Variants in FLT1 observed in about 807,000 individuals in gnomAD.
FLT1 encodes vascular endothelial growth factor receptor 1.
FLT1 carries 49 observed loss-of-function variants against 156.3 expected under a neutral mutation model. The observed-to-expected ratio is 0.31, with a 90% CI of 0.25 to 0.40. FLT1 has a LOEUF of 0.40. Among genes scored for constraint, FLT1 ranks in the 10% least tolerant of loss-of-function variants. The pLI is 1.00. For missense variants in FLT1, 1,322 were observed against 1,637.2 expected (o/e 0.81, Z 3.32); for synonymous variants, 594 against 583.8 (o/e 1.02, Z -0.25).
At chr13:28,421,536 T>G (rs1219470071) in intron 10 of FLT1, among the ~76,000 whole-genome samples, 4 of 10,200 alleles carry the variant, frequency 3.9e-4, no homozygotes, top group Non-Finnish European at 7.2e-4. Context: ...CTGCTGCACT[T>G]TTTTTTTTCC....
At chr13:28,358,758 CA>C (rs1873001636) in intron 14 of FLT1, among the ~76,000 whole-genome samples, 1 of 152,184 alleles carries the variant, frequency 6.6e-6, no homozygotes, top group South Asian at 2.1e-4. Context: ...CACTCACACA[CA>C]CAAGCCAACA....
chr13:28,416,822 G>A (rs932941550), intron 10 of FLT1, among the ~76,000 whole-genome samples: 5 of 152,126 alleles, frequency 3.3e-5, no homozygotes, highest in Non-Finnish European at 5.9e-5. Flanking sequence ...ACTCACAAGG[G>A]CTGATTTGTC....
In FLT1 at chr13:28,427,886, G is replaced by A. The variant is rs544680968; in HGVS notation, c.1142C>T (p.Ala381Val). The A allele has an allele frequency of 5.6e-6, 9 of 1,613,944 alleles. No homozygotes were observed. In the South Asian group the frequency reaches 9.9e-5, roughly 18 times the overall value. ...KDGLPATEKS[A>V]RYLTRGYSLI... Reference sequence around the variant, plus strand: ...CGAGTAGCCACGAGTCAAATAGCGAGCAGATTTCTCAGTCGCAGGTAACCC... The same window carrying A: ...CGAGTAGCCACGAGTCAAATAGCGAACAGATTTCTCAGTCGCAGGTAACCC... Residue 381 changes from alanine to valine, a missense_variant, in exon 9 of 30, where the codon GCT becomes GTT. Physicochemically the swap from Ala to Val is moderately conservative, Grantham distance 64. Around this residue, in one of 3 missense-constraint regions of FLT1, gnomAD observed 991 missense variants for 1,254.8 expected, o/e 0.79. Coordinates refer to ENST00000282397, the MANE Select transcript of FLT1 (RefSeq NM_002019.4).
At chr13:28,482,188 TCA>T (rs1880893131) in intron 1 of FLT1, among the ~76,000 whole-genome samples, 1 of 152,176 alleles carries the variant, frequency 6.6e-6, no homozygotes, top group Non-Finnish European at 1.5e-5. Flanking sequence ...GTGTGGTGGC[TCA>T]CGCCTGTAAT....
In FLT1 at chr13:28,327,465, G is replaced by A. The variant is rs897181829; in HGVS notation, c.2793C>T (p.Asn931=). 1.3e-6 allele frequency: 2 copies of A among 1,599,064 alleles called. No individual in the cohort carries two copies. The highest frequency in any genetic ancestry group is 1.7e-5 in the Admixed American group (1 of 60,006). ...CTCCAACTTTTGAAATCCTTACCTT[G>A]TTGAGAAAAAATAAGTCACGTTTGC... ...LKSKRDLFFL[N]KDAALHMEPK... Residue 931 remains asparagine, a synonymous_variant, in exon 20 of 30, where the codon AAC becomes AAT. Transcript: ENST00000282397.
intron 1 of FLT1, among the ~76,000 whole-genome samples, chr13:28,483,417 C>T (rs1377399407): frequency 6.6e-6 from 1 of 152,132 alleles, no homozygotes; most frequent in Non-Finnish European, 1.5e-5. Flanking sequence ...ATAGTATATA[C>T]ACCATTCCGT....
intron 12 of FLT1, among the ~76,000 whole-genome samples, chr13:28,393,098 T>C (rs1003179943): frequency 1.1e-4 from 16 of 152,174 alleles, no homozygotes; most frequent in Admixed American, 7.9e-4. Context: ...TAAGTATCTG[T>C]GGCGAATTCA....
In FLT1 at chr13:28,386,252, T is replaced by C. The variant is rs527276893; in HGVS notation, c.1970-1221A>G. ...CGTCCCAAAACCTTTCCCTTTTGAG[T>C]CCTGCAGGGCAACTCTCAGGATTAG... On this transcript the variant is annotated intron_variant, in intron 13 of 29. Transcript: ENST00000282397. The C allele has an allele frequency of 6.7e-6, 7 of 1,051,784 alleles. No individual in the cohort carries two copies. In the South Asian group the frequency reaches 3.2e-4, roughly 48 times the overall value. The allele number at this position is 1,051,784 out of a possible 1,614,324, so 65.2% of individuals were successfully genotyped here.
At chr13:28,385,590 A>G in intron 13 of FLT1, 10 of 1,015,110 alleles carry the variant, frequency 9.9e-6, no homozygotes, top group Non-Finnish European at 1.2e-5. Context: ...TCCTTTCTCC[A>G]TTCCCTTCCC....
At chr13:28,352,767 A>G (rs997336246) in intron 15 of FLT1, among the ~76,000 whole-genome samples, 1 of 152,186 alleles carries the variant, frequency 6.6e-6, no homozygotes, top group South Asian at 2.1e-4. Flanking sequence ...AATCCCCAAC[A>G]TATTCATGCG....
In FLT1 at chr13:28,322,723, T is replaced by A; in HGVS notation, c.2953+67A>T. On this transcript the variant is annotated intron_variant, in intron 21 of 29. Coordinates refer to ENST00000282397, the MANE Select transcript of FLT1 (RefSeq NM_002019.4). The surrounding 1 kb of genome is among the most constrained non-coding windows in gnomAD (Gnocchi z 4.3). ...ATTAGAGTGATAAATAAGAAAAAAA[T>A]TTCAGAGATGCATAGTATGTTGTAA... is the stretch of plus-strand genomic sequence containing the variant. 6.7e-7 allele frequency: 1 copy of A among 1,492,076 alleles called. No homozygotes were observed. 92.4% of individuals were successfully genotyped at this position (1,492,076 alleles called of 1,614,324 possible). A position where few individuals can be genotyped will look rare whatever the true frequency, so the allele number is the denominator to read the frequency against.
intron 14 of FLT1, among the ~76,000 whole-genome samples, chr13:28,361,348 G>A (rs1873108077): frequency 6.6e-6 from 1 of 152,008 alleles, no homozygotes; most frequent in Non-Finnish European, 1.5e-5. Flanking sequence ...CCTCCCAGAT[G>A]TTGTTTCTTT....
rs1158300455 is a variant in FLT1 at position 28,329,561 on chromosome 13, G to C, written c.2707+54C>G. Reference sequence around the variant, plus strand: ...AGAAGGAGCTGTAAGGCAGAGAACTGTTCTCCCAGCCTGTGCAGGGGGAGA... The same window carrying C: ...AGAAGGAGCTGTAAGGCAGAGAACTCTTCTCCCAGCCTGTGCAGGGGGAGA... On this transcript the variant is annotated intron_variant, in intron 19 of 29. Transcript: ENST00000282397. The C allele has an allele frequency of 3.9e-6, 5 of 1,287,272 alleles. No homozygotes were observed. The Admixed American group carries it at 5.2e-5, about 13-fold the overall frequency. 79.7% of individuals were successfully genotyped at this position (1,287,272 alleles called of 1,614,324 possible). A position where few individuals can be genotyped will look rare whatever the true frequency, so the allele number is the denominator to read the frequency against.
chr13:28,335,144 A>G (rs932749437), intron 17 of FLT1, among the ~76,000 whole-genome samples: 2 of 152,164 alleles, frequency 1.3e-5, no homozygotes, highest in East Asian at 3.9e-4. Flanking sequence ...GCACATCAGG[A>G]AACAGCTCAA....
At chr13:28,339,440 T>G (rs1168126518) in intron 16 of FLT1, 140 bp from the exon 17 acceptor site, 17 of 773,876 alleles carry the variant, frequency 2.2e-5, no homozygotes, top group Non-Finnish European at 3.6e-5. Context: ...TTCTCCACAT[T>G]CACATACACT....
At chr13:28,345,610 T>G (rs946785537) in intron 15 of FLT1, 59 bp from the exon 16 acceptor site, 2 of 1,079,284 alleles carry the variant, frequency 1.9e-6, no homozygotes. Flanking sequence ...ACTCAGAATC[T>G]TTGTGGTTTT....
chr13:28,407,261 A>G (rs1875867309), intron 10 of FLT1, among the ~76,000 whole-genome samples: 1 of 152,152 alleles, frequency 6.6e-6, no homozygotes, highest in Admixed American at 6.5e-5. Context: ...ATTGTTTATT[A>G]TTATCAAACA....
chr13:28,310,681 A>T (rs1870965079), intron 27 of FLT1, among the ~76,000 whole-genome samples: 1 of 152,204 alleles, frequency 6.6e-6, no homozygotes, highest in Non-Finnish European at 1.5e-5. Context: ...TTCCCTCTGC[A>T]GTAATACGGG....
chr13:28,388,798 T>C, intron 13 of FLT1: 1 of 1,059,608 alleles, frequency 9.4e-7, no homozygotes, highest in South Asian at 4.6e-5. Context: ...AAATTGATTG[T>C]GGTACACCTT....
Sources: allele counts gnomAD v4.1 joint callset (sites outside exome capture counted in the v4.1 genomes callset), GRCh38; gene constraint gnomAD v4.1.1; regional missense constraint gnomAD v4.1.1; non-coding constraint Gnocchi (gnomAD v3.1); transcripts MANE v1.5; gene names NCBI Gene and HGNC (gene_info 2026-07-23, HGNC 2026-07-21).